TXNRD1: variants seen among roughly 807,000 people sequenced by gnomAD.
The protein encoded by TXNRD1 is thioredoxin reductase 1, cytoplasmic.
TXNRD1 carries 57 observed loss-of-function variants against 80.3 expected under a neutral mutation model. The observed-to-expected ratio is 0.71, with a 90% CI of 0.57 to 0.89. The LOEUF (loss-of-function observed/expected upper bound fraction) is 0.89, where lower values mean the gene tolerates loss of function less well. Among genes scored for constraint, TXNRD1 ranks in the 40% least tolerant of loss-of-function variants. TXNRD1 has a pLI of 0.00. For synonymous variants in TXNRD1, 291 were observed against 285.2 expected, an observed-to-expected ratio of 1.02 and a Z score of -0.20; for missense variants, 730 against 803.0, an observed-to-expected ratio of 0.91 and a Z score of 1.10.
At chr12:104,345,585 G>C (rs2036462271) in intron 16 of TXNRD1, among the ~76,000 whole-genome samples, 1 of 151,934 alleles carries the variant, frequency 6.6e-6, no homozygotes, top group Admixed American at 6.6e-5. Context: ...TGGGGTTGGT[G>C]GTCATTTATT....
intron 1 of TXNRD1, among the ~76,000 whole-genome samples, chr12:104,230,122 T>C (rs2032582219): frequency 6.6e-6 from 1 of 151,976 alleles, no homozygotes; most frequent in Non-Finnish European, 1.5e-5. Context: ...CAGGCTGGAG[T>C]GCAGTGGTGT....
intron 3 of TXNRD1, among the ~76,000 whole-genome samples, chr12:104,288,496 AT>A (rs2034052554): frequency 6.6e-6 from 1 of 152,218 alleles, no homozygotes; most frequent in South Asian, 2.1e-4. Context: ...TGGAAGTTGG[AT>A]TTTGGCATTC....
intron 1 of TXNRD1, among the ~76,000 whole-genome samples, chr12:104,225,630 C>T (rs1156299073): frequency 6.6e-6 from 1 of 152,038 alleles, no homozygotes; most frequent in Non-Finnish European, 1.5e-5. Flanking sequence ...TCTCTCCTGC[C>T]ACCATGTGAA....
At chr12:104,229,837 T>G (rs2032574709) in intron 1 of TXNRD1, among the ~76,000 whole-genome samples, 1 of 151,746 alleles carries the variant, frequency 6.6e-6, no homozygotes, top group Non-Finnish European at 1.5e-5. Flanking sequence ...GTGATCCACC[T>G]GCCTCGGCCT....
rs768780727 is a variant in TXNRD1 at position 104,289,084 on chromosome 12, T to C, written c.414+44T>C. ...TCTTTTTAAACGGGGGATGAGCTCG[T>C]TGAGCTCAGCGTGGTCACAGCCTGC... On this transcript the variant is annotated intron_variant, in intron 4 of 16. Coordinates refer to ENST00000525566, the MANE Select transcript of TXNRD1 (RefSeq NM_001093771.3). The C allele has an allele frequency of 2.2e-5, 35 of 1,588,292 alleles. No homozygotes were observed. The Admixed American group carries it at 6.0e-4, about 27-fold the overall frequency.
chr12:104,316,243 A>G (rs1188042352), intron 7 of TXNRD1, among the ~76,000 whole-genome samples: 1 of 142,506 alleles, frequency 7.0e-6, no homozygotes, highest in Non-Finnish European at 1.5e-5. Context: ...TCTCCCTCCA[A>G]AGAAGTCTGT....
chr12:104,221,899 A>C (rs2032366103), intron 1 of TXNRD1, among the ~76,000 whole-genome samples: 1 of 152,144 alleles, frequency 6.6e-6, no homozygotes, highest in Non-Finnish European at 1.5e-5. Flanking sequence ...AGGTCATATA[A>C]ATGAGTGACC....
At chr12:104,294,590 T>C (rs1035528574) in intron 4 of TXNRD1, among the ~76,000 whole-genome samples, 4 of 152,260 alleles carry the variant, frequency 2.6e-5, no homozygotes, top group African/African-American at 9.6e-5. Context: ...CTATATCTGG[T>C]ATAACAATTC....
chr12:104,312,241 C>G (rs1400078690), intron 5 of TXNRD1, among the ~76,000 whole-genome samples: 1 of 152,076 alleles, frequency 6.6e-6, no homozygotes, highest in Non-Finnish European at 1.5e-5. Context: ...TATCTAATAA[C>G]CACTAACTCT....
intron 1 of TXNRD1, among the ~76,000 whole-genome samples, chr12:104,240,533 G>C (rs191183508): frequency 4.2e-4 from 64 of 152,304 alleles, no homozygotes; most frequent in African/African-American, 1.3e-3. Flanking sequence ...TAGTGAAATT[G>C]TGAGAGTTAT....
At chr12:104,326,286 A>G in intron 11 of TXNRD1, 61 bp from the exon 12 acceptor site, 4 of 1,131,718 alleles carry the variant, frequency 3.5e-6, no homozygotes, top group Non-Finnish European at 5.0e-6. Context: ...GAAAAATATG[A>G]TTAGGTAATA....
At position 104,291,976 on chromosome 12, in the gene TXNRD1, T is replaced by C. The variant is rs191823317; in HGVS notation, c.414+2936T>C. On this transcript the variant is annotated intron_variant, in intron 4 of 16. Coordinates refer to ENST00000525566, the MANE Select transcript of TXNRD1 (RefSeq NM_001093771.3). ...TTTATTTAGTGGAGAATTGAGTGCT[T>C]ATAGTCCTAAAGGCCACACCTTTAA... is the stretch of plus-strand genomic sequence containing the variant. 2.6e-5 allele frequency among the ~76,000 whole-genome samples: 4 copies of C among 152,344 alleles called. No individual in the cohort carries two copies. In the East Asian group the frequency reaches 7.7e-4, roughly 29 times the overall value.
chr12:104,346,276 G>C (rs912823783), intron 16 of TXNRD1: 1 of 183,878 alleles, frequency 5.4e-6, no homozygotes, highest in Non-Finnish European at 1.2e-5. Context: ...GCTTCCCAAA[G>C]TGCTGGGATT....
chr12:104,294,710 A>C (rs1264321826), intron 4 of TXNRD1, among the ~76,000 whole-genome samples: 1 of 152,202 alleles, frequency 6.6e-6, no homozygotes, highest in Non-Finnish European at 1.5e-5. Context: ...AGTTTAAGCC[A>C]TCTGCCTACC....
intron 4 of TXNRD1, chr12:104,304,323 A>G: frequency 6.2e-7 from 1 of 1,614,040 alleles, no homozygotes. Flanking sequence ...GTGGGTCTGA[A>G]TTGGATGGAA....
chr12:104,281,400 T>C (rs867594637), intron 3 of TXNRD1, among the ~76,000 whole-genome samples: 3 of 52,034 alleles, frequency 5.8e-5, no homozygotes, highest in South Asian at 8.3e-4. Context: ...ATATCTCCAC[T>C]TTTTTTTTTT....
intron 4 of TXNRD1, among the ~76,000 whole-genome samples, chr12:104,299,623 C>G (rs989390385): frequency 6.6e-6 from 1 of 151,838 alleles, no homozygotes; most frequent in Non-Finnish European, 1.5e-5. Flanking sequence ...AAAAATTAGC[C>G]AGGCGTGGTG....
At chr12:104,294,146 C>T (rs539052324) in intron 4 of TXNRD1, among the ~76,000 whole-genome samples, 3 of 148,252 alleles carry the variant, frequency 2.0e-5, no homozygotes, top group East Asian at 2.2e-4. Flanking sequence ...GTTAGGCCTC[C>T]GGATAACTGC....
chr12:104,318,811 T>A, intron 7 of TXNRD1, 102 bp from the exon 8 acceptor site: 1 of 1,302,350 alleles, frequency 7.7e-7, no homozygotes, highest in Non-Finnish European at 1.0e-6. Context: ...AGATTGCCTT[T>A]TAGAGCTCTG....
Sources: allele counts gnomAD v4.1 joint callset (sites outside exome capture counted in the v4.1 genomes callset), GRCh38; gene constraint gnomAD v4.1.1; transcripts MANE v1.5; gene names NCBI Gene and HGNC (gene_info 2026-07-23, HGNC 2026-07-21).